The following RAB7A variants were observed in gnomAD, a reference collection of about 807,000 sequenced individuals.
RAB7A encodes the protein ras-related protein Rab-7a.
In RAB7A, 2 loss-of-function variants were observed where a neutral mutation model predicts 24.5. The ratio of observed to expected loss-of-function variants is 0.08; its 90% confidence interval spans 0.03 to 0.26. RAB7A has a LOEUF of 0.26. RAB7A is among the 10% of genes least tolerant of loss of function. The pLI is 1.00. For synonymous variants in RAB7A, 100 were observed against 95.9 expected (o/e 1.04, Z -0.25); for missense variants, 118 against 255.7 (o/e 0.46, Z 3.67).
chr3:128,791,024 T>A (rs1465072939), intron 1 of RAB7A, among the ~76,000 whole-genome samples: 3 of 152,256 alleles, frequency 2.0e-5, no homozygotes, highest in Non-Finnish European at 4.4e-5. Flanking sequence ...TCTGTAAAAT[T>A]ATTTTTCTCA....
chr3:128,765,312 G>A (rs1286333080), intron 1 of RAB7A, among the ~76,000 whole-genome samples: 2 of 152,136 alleles, frequency 1.3e-5, no homozygotes, highest in Non-Finnish European at 2.9e-5. Context: ...CTGTGTTTAA[G>A]TCGAGTGACC....
intron 3 of RAB7A, among the ~76,000 whole-genome samples, chr3:128,803,056 T>C (rs562027343): frequency 3.9e-4 from 60 of 152,210 alleles, no homozygotes; most frequent in African/African-American, 1.4e-3. Flanking sequence ...GTGATCCACC[T>C]ACCTTGGCCT....
chr3:128,805,463 C>A (rs1333390590), intron 3 of RAB7A, among the ~76,000 whole-genome samples: 1 of 152,266 alleles, frequency 6.6e-6, no homozygotes, highest in East Asian at 1.9e-4. Context: ...GCTCTTAAAT[C>A]TAGCATGGCA....
At position 128,806,455 on chromosome 3, in the gene RAB7A, T is replaced by C. The variant is rs1933804898; in HGVS notation, c.264T>C (p.Phe88=). The C allele has an allele frequency of 6.2e-7, 1 of 1,614,012 alleles. No individual in the cohort carries two copies. Among genetic ancestry groups the C allele is most frequent in the Admixed American group, 1.7e-5 (1 of 60,004 alleles). ...YRGADCCVLV[F]DVTAPNTFKT... is the part of the protein sequence containing the mutation. Reference sequence around the variant, plus strand: ...GTGCAGACTGCTGCGTTCTGGTATTTGATGTGACTGCCCCCAACACATTCA... The same window carrying C: ...GTGCAGACTGCTGCGTTCTGGTATTCGATGTGACTGCCCCCAACACATTCA... Residue 88 remains phenylalanine (F), a synonymous_variant, in exon 4 of 6, where the codon TTT becomes TTC. Coordinates refer to ENST00000265062, the MANE Select transcript of RAB7A (RefSeq NM_004637.6).
At chr3:128,751,763 G>A (rs977710147) in intron 1 of RAB7A, among the ~76,000 whole-genome samples, 10 of 152,140 alleles carry the variant, frequency 6.6e-5, no homozygotes, top group African/African-American at 2.4e-4. Context: ...AATGGCCAGG[G>A]GCAGAATGAT....
chr3:128,808,899 G>C (rs2107616660), intron 5 of RAB7A, among the ~76,000 whole-genome samples: 1 of 152,330 alleles, frequency 6.6e-6, no homozygotes, highest in South Asian at 2.1e-4. Context: ...TCTGGCATGG[G>C]TGGGGTCTGC....
chr3:128,757,710 G>A (rs1027590563), intron 1 of RAB7A, among the ~76,000 whole-genome samples: 1 of 152,072 alleles, frequency 6.6e-6, no homozygotes, highest in Non-Finnish European at 1.5e-5. Context: ...TAGAGGTGGG[G>A]TTTTACCATG....
At chr3:128,783,831 C>G (rs551781988) in intron 1 of RAB7A, among the ~76,000 whole-genome samples, 16 of 152,334 alleles carry the variant, frequency 1.1e-4, no homozygotes, top group African/African-American at 3.6e-4. Flanking sequence ...AATGTTTTGA[C>G]CAGTTATTTT....
chr3:128,763,018 C>T (rs1035182996), intron 1 of RAB7A, among the ~76,000 whole-genome samples: 1 of 151,644 alleles, frequency 6.6e-6, no homozygotes, highest in African/African-American at 2.4e-5. Flanking sequence ...TCCCTCCTTC[C>T]CTTTTTCTGT....
At chr3:128,739,468 G>A (rs954362256) in intron 1 of RAB7A, among the ~76,000 whole-genome samples, 4 of 150,716 alleles carry the variant, frequency 2.7e-5, no homozygotes, top group South Asian at 2.1e-4. Flanking sequence ...AGCCAAGATC[G>A]CGCCACTGCA....
intron 1 of RAB7A, among the ~76,000 whole-genome samples, chr3:128,756,233 G>A (rs1424160936): frequency 6.6e-6 from 1 of 151,880 alleles, no homozygotes; most frequent in African/African-American, 2.4e-5. Flanking sequence ...CTACTTGGGA[G>A]GTGGGAGGCT....
chr3:128,739,379 G>A (rs1000463182), intron 1 of RAB7A, among the ~76,000 whole-genome samples: 1 of 152,034 alleles, frequency 6.6e-6, no homozygotes, highest in African/African-American at 2.4e-5. Flanking sequence ...TGGGTGTGGT[G>A]GTGCGCTCCT....
At chr3:128,752,857 C>CT (rs1023195364) in intron 1 of RAB7A, among the ~76,000 whole-genome samples, 84 of 151,242 alleles carry the variant, frequency 5.6e-4, no homozygotes, top group African/African-American at 2.0e-3. Context: ...TTCAAAATCT[C>CT]TAACACCTTT....
intron 1 of RAB7A, among the ~76,000 whole-genome samples, chr3:128,758,069 C>T (rs977132473): frequency 4.6e-5 from 7 of 151,940 alleles, no homozygotes; most frequent in Admixed American, 3.9e-4. Flanking sequence ...CTCAAGCAGT[C>T]TTCTGTCCTT....
intron 1 of RAB7A, among the ~76,000 whole-genome samples, chr3:128,734,316 A>C (rs531496085): frequency 2.6e-4 from 40 of 152,156 alleles, no homozygotes; most frequent in African/African-American, 9.6e-4. Flanking sequence ...TTGTAATTCC[A>C]GCTACTTGGG....
intron 1 of RAB7A, among the ~76,000 whole-genome samples, chr3:128,769,460 G>C (rs2070864309): frequency 6.6e-6 from 1 of 152,108 alleles, no homozygotes; most frequent in Non-Finnish European, 1.5e-5. Flanking sequence ...TAGATCTTTT[G>C]CCCACTTATT....
chr3:128,762,496 G>A (rs7620358), intron 1 of RAB7A, among the ~76,000 whole-genome samples: 8,287 of 151,984 alleles, frequency 0.055, 649 homozygotes, highest in African/African-American at 0.17. Flanking sequence ...ACTTCCCACC[G>A]TGACCCTCAA....
intron 4 of RAB7A, among the ~76,000 whole-genome samples, 192 bp from the exon 5 acceptor site, chr3:128,807,351 A>G (rs916949188): frequency 5.3e-5 from 8 of 152,106 alleles, no homozygotes; most frequent in Non-Finnish European, 8.8e-5. Flanking sequence ...GCTGAATCCT[A>G]GCTATCCTGA....
At chr3:128,794,140 G>T in intron 1 of RAB7A, among the ~76,000 whole-genome samples, 1 of 152,166 alleles carries the variant, frequency 6.6e-6, no homozygotes, top group East Asian at 1.9e-4. Context: ...GAAAGAGAGG[G>T]ATAGCTGGAT....
Sources: allele counts gnomAD v4.1 joint callset (sites outside exome capture counted in the v4.1 genomes callset), GRCh38; gene constraint gnomAD v4.1.1; transcripts MANE v1.5; gene names NCBI Gene and HGNC (gene_info 2026-07-23, HGNC 2026-07-21).